Variants in NRXN3 observed in about 807,000 individuals in gnomAD.
NRXN3 encodes neurexin 3, also known as neurexin III.
NRXN3 carries 32 observed loss-of-function variants against 137.6 expected under a neutral mutation model. That is an observed-to-expected ratio of 0.23 (90% CI 0.18 to 0.31). NRXN3 has a LOEUF of 0.31. NRXN3 is among the 10% of genes least tolerant of loss of function. The pLI, the probability that NRXN3 is intolerant of heterozygous loss-of-function variation, is 1.00. For synonymous variants in NRXN3, 798 were observed against 784.5 expected (o/e 1.02, Z -0.29); for missense variants, 1,574 against 2,062.5 (o/e 0.76, Z 4.59).
intron 19 of NRXN3, among the ~76,000 whole-genome samples, chr14:79,793,476 G>A (rs1056570080): frequency 1.3e-5 from 2 of 152,178 alleles, no homozygotes; most frequent in African/African-American, 4.8e-5. Flanking sequence ...AGGGAAGCAC[G>A]AGGGACCTGG....
intron 5 of NRXN3, among the ~76,000 whole-genome samples, chr14:78,647,654 A>G (rs2097700523): frequency 6.6e-6 from 1 of 152,266 alleles, no homozygotes; most frequent in South Asian, 2.1e-4. Context: ...TCTGTGAGAA[A>G]GTGAACCTAA....
At chr14:78,957,441 A>G (rs928776042) in intron 11 of NRXN3, 80 bp downstream of exon 11, 3 of 1,511,020 alleles carry the variant, frequency 2.0e-6, no homozygotes, top group South Asian at 2.5e-5. Context: ...GTGTTTTGCA[A>G]AACCTTTTAT....
intron 15 of NRXN3, among the ~76,000 whole-genome samples, chr14:79,121,475 C>T (rs139926183): frequency 1.3e-4 from 20 of 152,334 alleles, no homozygotes; most frequent in Admixed American, 4.6e-4. Context: ...TTTTTACTGC[C>T]ATGCGATTTC....
intron 1 of NRXN3, among the ~76,000 whole-genome samples, chr14:78,178,502 G>A (rs2059477565): frequency 6.6e-6 from 1 of 152,150 alleles, no homozygotes; most frequent in East Asian, 1.9e-4. Flanking sequence ...GTGATTTGGG[G>A]TGGTGATAGG....
At chr14:79,578,088 G>A (rs1257733495) in intron 16 of NRXN3, among the ~76,000 whole-genome samples, 1 of 152,170 alleles carries the variant, frequency 6.6e-6, no homozygotes, top group Non-Finnish European at 1.5e-5. Context: ...AAGTTCAGGG[G>A]TTTCTCCAAA....
At chr14:79,287,721 T>C (rs1301028434) in intron 15 of NRXN3, among the ~76,000 whole-genome samples, 2 of 152,178 alleles carry the variant, frequency 1.3e-5, no homozygotes, top group Admixed American at 1.3e-4. Flanking sequence ...TCCTGATACA[T>C]AGATTTTGCC....
Position 79,191,868 on chromosome 14 carries a change from T to C in NRXN3, c.3262+203727T>C, listed in dbSNP as rs138905303. 1.3e-3 allele frequency among the ~76,000 whole-genome samples: 191 copies of C among 152,190 alleles called. 1 individual carries two copies. The highest frequency in any genetic ancestry group is 4.2e-3 in the African/African-American group (175 of 41,528). On this transcript the variant is annotated intron_variant, in intron 15 of 20. Coordinates refer to ENST00000335750, the MANE Select transcript of NRXN3 (RefSeq NM_001330195.2). ...CCACTGGCGATGAGTAAGCATGCCT[T>C]ACCACTTCACAAATAGATAAGGTGG...
chr14:79,854,399 T>C (rs978170191), intron 20 of NRXN3, among the ~76,000 whole-genome samples: 2 of 152,194 alleles, frequency 1.3e-5, no homozygotes, highest in Non-Finnish European at 2.9e-5. Flanking sequence ...CAGCTTACTT[T>C]GGCTACGAAG....
chr14:79,561,849 A>C (rs965928226), intron 16 of NRXN3, among the ~76,000 whole-genome samples: 2 of 152,180 alleles, frequency 1.3e-5, no homozygotes, highest in Admixed American at 6.5e-5. Flanking sequence ...GAAAGACTGA[A>C]TACTGATGTA....
intron 15 of NRXN3, among the ~76,000 whole-genome samples, chr14:79,388,666 C>A (rs4243663): frequency 0.72 from 109,694 of 151,800 alleles, 39,871 homozygotes; most frequent in Middle Eastern, 0.87. Flanking sequence ...CATCATATCC[C>A]TTACCCAGGC....
intron 4 of NRXN3, among the ~76,000 whole-genome samples, chr14:78,375,001 G>A (rs552493067): frequency 6.6e-6 from 1 of 152,266 alleles, no homozygotes; most frequent in Admixed American, 6.5e-5. Flanking sequence ...TTATTAATTA[G>A]AAAATGTTTG....
At chr14:79,435,593 T>C (rs866590226) in intron 15 of NRXN3, among the ~76,000 whole-genome samples, 13 of 143,824 alleles carry the variant, frequency 9.0e-5, no homozygotes, top group Admixed American at 1.4e-4. Flanking sequence ...AACACTAAGA[T>C]ACACACACAC....
At chr14:79,252,391 A>G (rs1284435614) in intron 15 of NRXN3, among the ~76,000 whole-genome samples, 4 of 152,180 alleles carry the variant, frequency 2.6e-5, no homozygotes, top group African/African-American at 9.7e-5. Flanking sequence ...TTTAATTGCC[A>G]GGGATATTTA....
At chr14:78,479,520 T>C (rs1165301150) in intron 4 of NRXN3, among the ~76,000 whole-genome samples, 1 of 152,192 alleles carries the variant, frequency 6.6e-6, no homozygotes, top group Non-Finnish European at 1.5e-5. Flanking sequence ...ATTCAGGTTG[T>C]ACAAAGTCAG....
At chr14:79,603,775 C>G (rs2097958184) in intron 16 of NRXN3, among the ~76,000 whole-genome samples, 1 of 151,968 alleles carries the variant, frequency 6.6e-6, no homozygotes, top group Non-Finnish European at 1.5e-5. Flanking sequence ...TTGGTACAAC[C>G]AAAGGAAAAT....
chr14:79,634,400 T>G (rs2098387053), intron 16 of NRXN3, among the ~76,000 whole-genome samples: 1 of 152,252 alleles, frequency 6.6e-6, no homozygotes, highest in African/African-American at 2.4e-5. Flanking sequence ...AAGCCTCATA[T>G]TGACATCAGG....
intron 15 of NRXN3, among the ~76,000 whole-genome samples, chr14:79,134,073 A>G (rs1012519084): frequency 1.3e-5 from 2 of 152,124 alleles, no homozygotes; most frequent in Admixed American, 6.5e-5. Context: ...CTTCAAATTT[A>G]TGACATTTTC....
intron 17 of NRXN3, among the ~76,000 whole-genome samples, chr14:79,676,062 T>C (rs1490064609): frequency 6.6e-6 from 1 of 152,058 alleles, no homozygotes; most frequent in Non-Finnish European, 1.5e-5. Flanking sequence ...TTCTAAGTCT[T>C]AGAGAGCATG....
At chr14:79,105,648 C>T (rs1211836025) in intron 15 of NRXN3, among the ~76,000 whole-genome samples, 1 of 152,098 alleles carries the variant, frequency 6.6e-6, no homozygotes, top group Admixed American at 6.6e-5. Context: ...GCTGAGCAAA[C>T]ATAAGCCTTC....
Sources: allele counts gnomAD v4.1 joint callset (sites outside exome capture counted in the v4.1 genomes callset), GRCh38; gene constraint gnomAD v4.1.1; transcripts MANE v1.5; gene names NCBI Gene and HGNC (gene_info 2026-07-23, HGNC 2026-07-21).